The following TTN variants were observed in gnomAD, a reference collection of about 807,000 sequenced individuals.
TTN encodes the protein titin, also known as connectin.
Under a neutral mutation model 3,223.0 loss-of-function variants are expected in TTN, and 1,525 were observed. The observed-to-expected ratio is 0.47, with a 90% confidence interval of 0.45 to 0.49. The LOEUF (loss-of-function observed/expected upper bound fraction) is 0.49. Ranked by LOEUF, TTN falls within the 20% of genes least tolerant of loss-of-function variation. The probability of loss-of-function intolerance (pLI) is 0.00; values close to 1 mark genes in which losing one functional copy is unlikely to be tolerated. For missense variants in TTN, 40,786 were observed against 43,424.0 expected (o/e 0.94, Z 5.40); for synonymous variants, 14,094 against 15,161.0 (o/e 0.93, Z 5.17).
Position 178,561,278 on chromosome 2 carries a change from G to A in TTN, c.84854C>T (p.Thr28285Ile). 6.2e-7 allele frequency: 1 copy of A among 1,613,774 alleles called. No individual in the cohort carries two copies. Among genetic ancestry groups the A allele is most frequent in the Non-Finnish European group, 8.5e-7 (1 of 1,179,802 alleles). Residue 28285 changes from threonine (T) to isoleucine (I), a missense_variant, in exon 326 of 363, where the codon ACA (threonine) becomes ATA (isoleucine). Transcript: ENST00000589042. ...KPHYDGGAKI[T>I]GYIVERRELP... ...TTCTCTGCGTTCAACAATGTATCCT[G>A]TGATCTTAGCTCCACCATCATAATG... is the stretch of plus-strand genomic sequence containing the variant.
Position 178,549,691 on chromosome 2 carries a change from T to C in TTN, c.92031A>G (p.Gln30677=), listed in dbSNP as rs1282128816. 6.2e-7 allele frequency: 1 copy of C among 1,613,844 alleles called. No individual in the cohort carries two copies. Among genetic ancestry groups the C allele is most frequent in the Admixed American group, 1.7e-5 (1 of 60,008 alleles). ...WALIEDKCEA[Q]SYTAIKLING... ...TTATTAGTTTAATGGCAGTGTAACT[T>C]TGGGCTTCACATTTATCCTCAATTA... is the stretch of plus-strand genomic sequence containing the variant. The change falls in exon 338 of 363, where the codon CAA becomes CAG. Residue 30677 remains glutamine, a synonymous_variant. Transcript: ENST00000589042.
In TTN at chr2:178,650,655, G is replaced by T. The variant is rs2062775842; in HGVS notation, c.39709+96C>A. On this transcript the variant is annotated intron_variant, in intron 209 of 362. Transcript: ENST00000589042. ...GACAAATAATTAAAGGTTAGAAAAT[G>T]ACCAAGAAATAATGAGTTAGGAAGG... 6 of 1,170,432 alleles carry T rather than the reference G, an allele frequency of 5.1e-6. No individual in the cohort carries two copies. The South Asian group carries it at 8.0e-5, about 16-fold the overall frequency. 72.5% of individuals were successfully genotyped at this position (1,170,432 alleles called of 1,614,324 possible).
chr2:178,565,760 T>C lies in TTN; in HGVS notation c.80372A>G (p.Asp26791Gly). The change falls in exon 326 of 363, where the codon GAT (aspartate) becomes GGT (glycine). Residue 26791 changes from aspartate (D) to glycine (G), a missense_variant. Coordinates refer to ENST00000589042, the MANE Select transcript of TTN (RefSeq NM_001267550.2). ...AAGTGATGCACTGGTCTGGGACACA[T>C]CAGTGAGTGTAACCTTTCCTGGTGG... The part of the protein sequence containing the change: ...PSPPGKVTLT[D>G]VSQTSASLMW... 1 of 1,613,576 alleles carries C rather than the reference T, an allele frequency of 6.2e-7. No homozygotes were observed.
rs767671184 is a variant in TTN, at chr2:178,614,598, T to G, written c.48916A>C (p.Thr16306Pro). Residue 16306 changes from threonine (T) to proline (P), a missense_variant, in exon 261 of 363, where the codon ACC becomes CCC. Transcript: ENST00000589042. ...GATTTCTTAGGGACATTTTCAATGGTAATTCTTTTGTCCTGCTTCAGAATC... is the reference window on the plus strand; with the variant it reads ...GATTTCTTAGGGACATTTTCAATGGGAATTCTTTTGTCCTGCTTCAGAATC... Reference protein sequence around the residue: ...DMILKQDKRITIENVPKKSTV... With the variant: ...DMILKQDKRIPIENVPKKSTV... 3.1e-6 allele frequency: 5 copies of G among 1,612,446 alleles called. No individual in the cohort carries two copies. The highest frequency in any genetic ancestry group is 4.2e-6 in the Non-Finnish European group (5 of 1,179,154).
chr2:178,607,719 G>C (rs751116182), intron 276 of TTN, 34 bp from the exon 277 acceptor site: 13 of 1,611,744 alleles, frequency 8.1e-6, no homozygotes, highest in Non-Finnish European at 1.0e-5. Context: ...ATTAGCCCAT[G>C]AAAGATTAAA....
chr2:178,691,983 CAA>C (rs746286919), intron 121 of TTN, 31 bp downstream of exon 121: 3 of 1,582,458 alleles, frequency 1.9e-6, no homozygotes, highest in Admixed American at 1.8e-5. Context: ...GCACTTGGAG[CAA>C]AGAGTCTCCC....
intron 3 of TTN, among the ~76,000 whole-genome samples, chr2:178,801,517 C>A (rs73973152): frequency 1.7e-3 from 263 of 152,118 alleles, no homozygotes; most frequent in African/African-American, 6.0e-3. Context: ...TGTAACTTTA[C>A]GTAGCTCATG....
rs1410443205 is a variant in TTN at position 178,740,657 on chromosome 2, T to C, written c.12576A>G (p.Glu4192=). ...EKIFPSAMSI[E]QINSLTVEPL... ...GCTCAACTGTTAATGAATTAATTTG[T>C]TCTATGGACATGGCACTTGGGAAGA... Residue 4192 remains glutamate (E), a synonymous_variant, in exon 48 of 363, where the codon GAA becomes GAG. Transcript: ENST00000589042. The C allele has an allele frequency of 6.2e-7, 1 of 1,613,866 alleles. No individual in the cohort carries two copies. The highest frequency in any genetic ancestry group is 2.2e-5 in the East Asian group (1 of 44,848).
At chr2:178,777,650 A>G (rs1389158849) in intron 25 of TTN, 54 bp downstream of exon 25, 2 of 1,613,728 alleles carry the variant, frequency 1.2e-6, no homozygotes, top group Middle Eastern at 1.7e-4. Flanking sequence ...AGATGCATAC[A>G]TAAGCTTGTT....
At position 178,537,246 on chromosome 2, in the gene TTN, G is replaced by A. The variant is rs1384021620; in HGVS notation, c.99866-3C>T. ...TCCTGTAGGTTTGTCTGGTTTATCT[G>A]TTGGGGGAAAATACAATTGTGGTGG... On this transcript the variant is annotated splice_region_variant and splice_polypyrimidine_tract_variant and intron_variant, in intron 355 of 362. Transcript: ENST00000589042. The A allele has an allele frequency of 1.3e-6, 2 of 1,579,620 alleles. No individual in the cohort carries two copies. The highest frequency in any genetic ancestry group is 1.8e-5 in the Admixed American group (1 of 55,232).
chr2:178,751,982 GA>G, intron 47 of TTN: 1 of 1,586,232 alleles, frequency 6.3e-7, no homozygotes, highest in Non-Finnish European at 8.5e-7. Context: ...TTCAGAATCT[GA>G]AAAGGCGTCA....
At position 178,555,504 on chromosome 2, in the gene TTN, C is replaced by T. The variant is rs549725356; in HGVS notation, c.88307-352G>A. 2.1e-3 allele frequency: 446 copies of T among 214,658 alleles called. 2 individuals carry two copies. The Middle Eastern group carries it at 0.029, about 14-fold the overall frequency. 13.3% of individuals were successfully genotyped at this position (214,658 alleles called of 1,614,324 possible). On this transcript the variant is annotated intron_variant, in intron 330 of 362. Coordinates refer to ENST00000589042, the MANE Select transcript of TTN (RefSeq NM_001267550.2). The stretch of plus-strand genomic sequence containing the variant: ...TTAGCTTTTCTTTCCTTTTCTTCTA[C>T]GCACCTCCTATTCTTTTTCTTTTCC...
At chr2:178,747,688 G>T in intron 47 of TTN, 1 of 1,612,666 alleles carries the variant, frequency 6.2e-7, no homozygotes, top group Non-Finnish European at 8.5e-7. Flanking sequence ...ATTGTGTTAG[G>T]GAGGTCTCAG....
rs554558364 is a variant in TTN at position 178,744,382 on chromosome 2, G to T, written c.11312-2461C>A. On this transcript the variant is annotated intron_variant, in intron 47 of 362. Coordinates refer to ENST00000589042, the MANE Select transcript of TTN (RefSeq NM_001267550.2). ...TGAATGATCACCTCTAAGGTCTTTTGGTCCTACCCTTCATTTTCAGAATTT... is the reference window on the plus strand; with the variant it reads ...TGAATGATCACCTCTAAGGTCTTTTTGTCCTACCCTTCATTTTCAGAATTT... 11 of 984,380 alleles carry T rather than the reference G, an allele frequency of 1.1e-5. No individual in the cohort carries two copies. In the African/African-American group the frequency reaches 1.6e-4, roughly 14 times the overall value. The allele number at this position is 984,380 out of a possible 1,614,324, so 61.0% of individuals were successfully genotyped here. A position where few individuals can be genotyped will look rare whatever the true frequency, so the allele number is the denominator to read the frequency against.
At chr2:178,686,033 C>T (rs2070762189) in intron 127 of TTN, among the ~76,000 whole-genome samples, 1 of 151,834 alleles carries the variant, frequency 6.6e-6, no homozygotes, top group Non-Finnish European at 1.5e-5. Flanking sequence ...ATTGTTTTCC[C>T]CGCCAGTTTT....
chr2:178,531,051 G>C lies in TTN; in HGVS notation c.105564C>G (p.Ile35188Met). ...CCTCATCGGAAGCCTGGACTGAAGA[G>C]ATCTCAAAGGTTGATTTGTACTTTG... ...TTTKYKSTFE[I>M]SSVQASDEGN... The change falls in exon 358 of 363, where the codon ATC becomes ATG. Residue 35188 changes from isoleucine to methionine, a missense_variant. Ile to Met is a conservative substitution (Grantham distance 10, BLOSUM62 1). Coordinates refer to ENST00000589042, the MANE Select transcript of TTN (RefSeq NM_001267550.2). 1 of 1,613,972 alleles carries C rather than the reference G, an allele frequency of 6.2e-7. No individual in the cohort carries two copies. Among genetic ancestry groups the C allele is most frequent in the African/African-American group, 1.3e-5 (1 of 75,022 alleles).
Position 178,617,104 on chromosome 2 carries a change from T to C in TTN, c.47875+16A>G. 1 of 1,610,468 alleles carries C rather than the reference T, an allele frequency of 6.2e-7. No individual in the cohort carries two copies. The highest frequency in any genetic ancestry group is 2.2e-5 in the East Asian group (1 of 44,506). On this transcript the variant is annotated intron_variant, in intron 255 of 362. Transcript: ENST00000589042. ...TATGTGCTATTCCCCGATCTAAAAA[T>C]AAAATATCTATTTACCAAATGCATC...
intron 34 of TTN, 92 bp downstream of exon 34, chr2:178,771,119 G>A (rs2091419049): frequency 1.3e-6 from 2 of 1,571,368 alleles, no homozygotes; most frequent in Non-Finnish European, 1.7e-6. Context: ...GAAAATTTAT[G>A]GTATCCAAAA....
In TTN at chr2:178,692,119, G is replaced by A; in HGVS notation, c.31679-20C>T. On this transcript the variant is annotated intron_variant, in intron 120 of 362. Transcript: ENST00000589042. ...CAGGAACTTTAAAGATACAATTGTT[G>A]AAATAATGTGGAATATTCTAGTCAC... 3.1e-6 allele frequency: 5 copies of A among 1,603,434 alleles called. No individual in the cohort carries two copies. The highest frequency in any genetic ancestry group is 4.3e-6 in the Non-Finnish European group (5 of 1,171,144).
Sources: allele counts gnomAD v4.1 joint callset (sites outside exome capture counted in the v4.1 genomes callset), GRCh38; gene constraint gnomAD v4.1.1; transcripts MANE v1.5; gene names NCBI Gene and HGNC (gene_info 2026-07-23, HGNC 2026-07-21).